The following USO1 variants were observed in gnomAD, a reference collection of about 807,000 sequenced individuals.
USO1 encodes general vesicular transport factor p115.
A neutral mutation model predicts 124.5 loss-of-function variants in USO1; 57 were observed. The observed-to-expected ratio is 0.46, with a 90% CI of 0.37 to 0.57. USO1 has a LOEUF of 0.57. Ranked by LOEUF, USO1 falls within the 20% of genes least tolerant of loss-of-function variation. USO1 has a pLI of 0.00. For missense variants in USO1, 900 were observed against 1,040.6 expected (o/e 0.86, Z 1.86); for synonymous variants, 369 against 362.8 (o/e 1.02, Z -0.19).
intron 13 of USO1, 68 bp downstream of exon 13, chr4:75,793,969 C>A (rs1722604897): frequency 1.3e-6 from 2 of 1,586,040 alleles, no homozygotes; most frequent in Admixed American, 3.6e-5. Flanking sequence ...TTAAGGATGT[C>A]TTTAGAAGAT....
At chr4:75,800,280 T>G in intron 14 of USO1, 71 bp from the exon 15 acceptor site, 3 of 1,489,974 alleles carry the variant, frequency 2.0e-6, no homozygotes, top group East Asian at 5.0e-5. Context: ...GAAGTATTAA[T>G]GTATGTCAAA....
rs1017233323 is a variant in USO1 at position 75,801,775 on chromosome 4, A to G, written c.1986+575A>G. On this transcript the variant is annotated intron_variant, in intron 17 of 23. Coordinates refer to ENST00000514213, the MANE Select transcript of USO1 (RefSeq NM_003715.4). ...ATAGATAGAACCCTTTAAATTGACA[A>G]CTGTTTATATCTTATTTTCTTCCTC... Among the ~76,000 whole-genome samples the G allele has an allele frequency of 1.1e-4, 16 of 152,248 alleles. No homozygotes were observed. The South Asian group carries it at 3.1e-3, about 30-fold the overall frequency.
chr4:75,743,365 CTCT>C (rs1308512865), intron 1 of USO1, among the ~76,000 whole-genome samples: 1 of 152,096 alleles, frequency 6.6e-6, no homozygotes, highest in Non-Finnish European at 1.5e-5. Flanking sequence ...GGTTTTCCTA[CTCT>C]TCTTTTTGCT....
At chr4:75,749,183 C>T (rs1388693727) in intron 1 of USO1, among the ~76,000 whole-genome samples, 3 of 151,998 alleles carry the variant, frequency 2.0e-5, no homozygotes, top group South Asian at 4.1e-4. Flanking sequence ...ATGCACAAAC[C>T]GAGTTAATTT....
intron 18 of USO1, 189 bp from the exon 19 acceptor site, chr4:75,804,951 C>G: frequency 1.5e-6 from 1 of 645,570 alleles, no homozygotes; most frequent in Non-Finnish European, 2.3e-6. Flanking sequence ...TGTTTTTTCT[C>G]CCAGAAATCT....
At chr4:75,733,249 ACT>A (rs930816170) in intron 1 of USO1, among the ~76,000 whole-genome samples, 5 of 151,668 alleles carry the variant, frequency 3.3e-5, no homozygotes, top group African/African-American at 1.2e-4. Flanking sequence ...ACACAGTGAG[ACT>A]CTGTCTCAAA....
At position 75,800,353 on chromosome 4, in the gene USO1, T is replaced by A; in HGVS notation, c.1566T>A (p.Leu522=). The A allele has an allele frequency of 6.3e-7, 1 of 1,583,908 alleles. No individual in the cohort carries two copies. The highest frequency in any genetic ancestry group is 8.6e-7 in the Non-Finnish European group (1 of 1,164,502). Residue 522 remains leucine (L), a splice_region_variant and synonymous_variant, in exon 15 of 24, where the codon CTT becomes CTA. Transcript: ENST00000514213. ...FLHNSANVPF[L]TGQIAENLGE... The stretch of plus-strand genomic sequence containing the variant: ...AGCCTCCTTAACAAAGATTTCAGCT[T>A]ACAGGACAAATTGCAGAAAATCTTG...
intron 14 of USO1, among the ~76,000 whole-genome samples, 182 bp downstream of exon 14, chr4:75,799,914 T>C (rs1722795452): frequency 6.6e-6 from 1 of 152,126 alleles, no homozygotes; most frequent in African/African-American, 2.4e-5. Flanking sequence ...TGTGGTTTGT[T>C]TTATGCCGGG....
At chr4:75,804,044 C>T in intron 17 of USO1, 90 bp from the exon 18 acceptor site, 1 of 1,483,694 alleles carries the variant, frequency 6.7e-7, no homozygotes, top group Non-Finnish European at 9.0e-7. Flanking sequence ...CATACTGTCC[C>T]AAAATGACCT....
At chr4:75,726,996 A>C (rs1451837384) in intron 1 of USO1, among the ~76,000 whole-genome samples, 4 of 152,234 alleles carry the variant, frequency 2.6e-5, no homozygotes, top group Non-Finnish European at 4.4e-5. Context: ...ATGAAGATTA[A>C]GTGAAATAAG....
At chr4:75,778,757 A>C (rs1044110543) in intron 8 of USO1, among the ~76,000 whole-genome samples, 1 of 152,216 alleles carries the variant, frequency 6.6e-6, no homozygotes, top group African/African-American at 2.4e-5. Context: ...GTGAACCTTA[A>C]TGTAAACTGT....
intron 7 of USO1, among the ~76,000 whole-genome samples, chr4:75,773,410 A>G (rs2149169540): frequency 6.6e-6 from 1 of 152,250 alleles, no homozygotes; most frequent in Middle Eastern, 3.4e-3. Context: ...TATAGAACTT[A>G]TTTTGTCTCC....
Position 75,804,242 on chromosome 4 carries a change from G to A in USO1, c.2095G>A (p.Asp699Asn), listed in dbSNP as rs372815786. 1.2e-6 allele frequency: 2 copies of A among 1,613,108 alleles called. No individual in the cohort carries two copies. The highest frequency in any genetic ancestry group is 1.3e-5 in the African/African-American group (1 of 75,028). Residue 699 changes from aspartate to asparagine, a missense_variant, in exon 18 of 24, where the codon GAC becomes AAC. Physicochemically the swap from Asp to Asn is conservative, Grantham distance 23. This residue lies in a region of USO1 where 362 missense variants were observed against 359.0 expected (regional missense o/e 1.01). Transcript: ENST00000514213. ...AGTATCACAGATCCAGCAGCACAAAGACCAGTATAATCTTCTTAAAATACA... is the reference window on the plus strand; with the variant it reads ...AGTATCACAGATCCAGCAGCACAAAAACCAGTATAATCTTCTTAAAATACA... The part of the protein sequence containing the change: ...QQVSQIQQHK[D>N]QYNLLKIQLG...
At chr4:75,743,001 T>C (rs1258569495) in intron 1 of USO1, among the ~76,000 whole-genome samples, 1 of 151,822 alleles carries the variant, frequency 6.6e-6, no homozygotes, top group Admixed American at 6.6e-5. Flanking sequence ...TTTTTTTTTT[T>C]TGAGACAGAG....
intron 1 of USO1, among the ~76,000 whole-genome samples, chr4:75,742,710 T>C (rs1264655096): frequency 1.3e-5 from 2 of 152,246 alleles, no homozygotes; most frequent in Non-Finnish European, 2.9e-5. Flanking sequence ...ATCAATTTCT[T>C]CTGTGTTGTA....
Position 75,793,630 on chromosome 4 carries a change from T to C in USO1, c.1241-60T>C, listed in dbSNP as rs986280187. 1.9e-5 allele frequency: 30 copies of C among 1,541,874 alleles called. No individual in the cohort carries two copies. In the East Asian group the frequency reaches 2.9e-4, roughly 15 times the overall value. The stretch of plus-strand genomic sequence containing the variant: ...TTATGTGTACAGAAAACAATTTATT[T>C]AAAATTTGGTTTACGTCAAAATCTA... On this transcript the variant is annotated intron_variant, in intron 12 of 23. Coordinates refer to ENST00000514213, the MANE Select transcript of USO1 (RefSeq NM_003715.4).
At chr4:75,795,132 C>G (rs971218257) in intron 13 of USO1, among the ~76,000 whole-genome samples, 1 of 152,156 alleles carries the variant, frequency 6.6e-6, no homozygotes, top group Non-Finnish European at 1.5e-5. Flanking sequence ...ATAAAATTAT[C>G]CTTTATCTTC....
chr4:75,748,098 G>T (rs1012924683), intron 1 of USO1, among the ~76,000 whole-genome samples: 14 of 151,510 alleles, frequency 9.2e-5, no homozygotes, highest in Middle Eastern at 3.4e-3. Context: ...GTAGAGACGG[G>T]GTTTCTCTGT....
At chr4:75,749,333 A>G (rs961877977) in intron 1 of USO1, among the ~76,000 whole-genome samples, 1 of 152,178 alleles carries the variant, frequency 6.6e-6, no homozygotes, top group African/African-American at 2.4e-5. Context: ...CGTAGGGTGC[A>G]AACATTTGCA....
Sources: allele counts gnomAD v4.1 joint callset (sites outside exome capture counted in the v4.1 genomes callset), GRCh38; gene constraint gnomAD v4.1.1; regional missense constraint gnomAD v4.1.1; transcripts MANE v1.5; gene names NCBI Gene and HGNC (gene_info 2026-07-23, HGNC 2026-07-21).